Variants in MGA observed in about 807,000 individuals in gnomAD.
MGA encodes the protein MAX gene-associated protein.
A neutral mutation model predicts 261.1 loss-of-function variants in MGA; 40 were observed. That is an observed-to-expected ratio of 0.15 (90% CI 0.12 to 0.20). The LOEUF is 0.20. Among genes scored for constraint, MGA ranks in the 10% least tolerant of loss-of-function variants. The pLI is 1.00. For missense variants in MGA, 3,397 were observed against 3,630.5 expected, an observed-to-expected ratio of 0.94 and a Z score of 1.65; for synonymous variants, 1,302 against 1,290.6, an observed-to-expected ratio of 1.01 and a Z score of -0.19.
At chr15:41,623,966 G>C (rs969353804) in intron 1 of MGA, among the ~76,000 whole-genome samples, 3 of 151,092 alleles carry the variant, frequency 2.0e-5, no homozygotes, top group South Asian at 4.2e-4. Context: ...GGGTTTCACC[G>C]TGTTGGCCAT....
At chr15:41,739,417 T>C (rs186179000) in intron 13 of MGA, among the ~76,000 whole-genome samples, 220 of 152,326 alleles carry the variant, frequency 1.4e-3, no homozygotes, top group Middle Eastern at 6.8e-3. Flanking sequence ...AATGATTGTC[T>C]TATAACTTAA....
intron 1 of MGA, among the ~76,000 whole-genome samples, chr15:41,628,179 T>C (rs1160655860): frequency 6.6e-6 from 1 of 151,950 alleles, no homozygotes; most frequent in Non-Finnish European, 1.5e-5. Context: ...GAGACCAGCT[T>C]GGCCAACATG....
intron 12 of MGA, 138 bp from the exon 13 acceptor site, chr15:41,736,043 G>A (rs1263393229): frequency 2.5e-6 from 2 of 791,814 alleles, no homozygotes; most frequent in East Asian, 2.8e-5. Flanking sequence ...CTCCCAAATT[G>A]TGAAAGTTGA....
chr15:41,732,339 G>A (rs1316862937), intron 11 of MGA, among the ~76,000 whole-genome samples: 3 of 152,138 alleles, frequency 2.0e-5, no homozygotes, highest in South Asian at 2.1e-4. Context: ...TAGTAGACAC[G>A]GGGTTTCACC....
intron 2 of MGA, among the ~76,000 whole-genome samples, chr15:41,678,157 C>T (rs1459350452): frequency 1.4e-5 from 2 of 146,826 alleles, no homozygotes; most frequent in Non-Finnish European, 3.0e-5. Flanking sequence ...GTGGTGTGAT[C>T]TCGACTCACT....
chr15:41,735,298 G>A (rs1205609777), intron 12 of MGA, among the ~76,000 whole-genome samples: 2 of 152,176 alleles, frequency 1.3e-5, no homozygotes, highest in African/African-American at 4.8e-5. Context: ...TGAAATACAT[G>A]TCTAGTCAAC....
chr15:41,691,495 T>C, intron 2 of MGA: 1 of 299,092 alleles, frequency 3.3e-6, no homozygotes, highest in Non-Finnish European at 7.3e-6. Flanking sequence ...AGTTTTGCTT[T>C]TTCCTCTACA....
upstream of MGA, among the ~76,000 whole-genome samples, chr15:41,659,961 G>A (rs755496754): frequency 1.3e-5 from 2 of 152,236 alleles, no homozygotes; most frequent in Non-Finnish European, 2.9e-5. Flanking sequence ...GGTACTCCGG[G>A]GTGGAAGACC....
At chr15:41,721,623 G>A (rs558261422) in intron 9 of MGA, among the ~76,000 whole-genome samples, 2 of 152,190 alleles carry the variant, frequency 1.3e-5, no homozygotes, top group East Asian at 1.9e-4. Context: ...CTCATTTGTA[G>A]TTGGGGAAAT....
chr15:41,676,392 G>A (rs773850458), intron 2 of MGA, among the ~76,000 whole-genome samples: 3 of 152,224 alleles, frequency 2.0e-5, no homozygotes, highest in Non-Finnish European at 4.4e-5. Context: ...CCGGTCTCAT[G>A]ATCTGCCCGC....
rs146691565 is a variant in MGA, at chr15:41,683,283, A to G, written c.1065-12792A>G. Among the ~76,000 whole-genome samples, 10 of 152,056 alleles carry G rather than the reference A, an allele frequency of 6.6e-5. No homozygotes were observed. The East Asian group carries it at 1.9e-3, about 30-fold the overall frequency. On this transcript the variant is annotated intron_variant, in intron 2 of 23. Coordinates refer to ENST00000219905, the MANE Select transcript of MGA (RefSeq NM_001164273.2). Reference sequence around the variant, plus strand: ...ACCCAGGCTGGAGTGCTGGGACACAATCCATGGCTCACTGCAAGCTTGGTC... The same window carrying G: ...ACCCAGGCTGGAGTGCTGGGACACAGTCCATGGCTCACTGCAAGCTTGGTC...
intron 6 of MGA, 50 bp from the exon 7 acceptor site, chr15:41,708,054 A>T (rs1397096251): frequency 4.8e-6 from 7 of 1,471,244 alleles, no homozygotes; most frequent in Non-Finnish European, 6.5e-6. Flanking sequence ...TAGGTCCATA[A>T]TATTGGCCTG....
chr15:41,740,402 TTTATAG>T (rs1414697354), intron 14 of MGA, among the ~76,000 whole-genome samples, 199 bp downstream of exon 14: 3 of 152,194 alleles, frequency 2.0e-5, no homozygotes, highest in Admixed American at 2.0e-4. Flanking sequence ...ATTGAGTTGT[TTTATAG>T]TTAATTTCTT....
chr15:41,698,442 GGC>G (rs1372839372), intron 3 of MGA, among the ~76,000 whole-genome samples: 3 of 151,876 alleles, frequency 2.0e-5, no homozygotes, highest in African/African-American at 7.3e-5. Context: ...TGGGATTATA[GGC>G]GTGAGCCACT....
intron 17 of MGA, among the ~76,000 whole-genome samples, chr15:41,752,790 T>C (rs1414152955): frequency 6.6e-6 from 1 of 152,122 alleles, no homozygotes; most frequent in African/African-American, 2.4e-5. Context: ...ACTCCTGACC[T>C]CAGGTGATCC....
chr15:41,634,751 GT>G (rs1180465663), intron 1 of MGA, among the ~76,000 whole-genome samples: 2 of 152,066 alleles, frequency 1.3e-5, no homozygotes, highest in Admixed American at 6.6e-5. Flanking sequence ...TTCAGGGAGC[GT>G]TTGGTTAGAA....
At chr15:41,622,112 G>A (rs1467089941) in intron 1 of MGA, among the ~76,000 whole-genome samples, 1 of 152,088 alleles carries the variant, frequency 6.6e-6, no homozygotes, top group African/African-American at 2.4e-5. Flanking sequence ...TCTTTGCTGC[G>A]GTCGGATTGC....
rs372185993 is a variant in MGA at position 41,764,941 on chromosome 15, G to A, written c.7800G>A (p.Pro2600=). 5.0e-5 allele frequency: 81 copies of A among 1,613,854 alleles called. No individual in the cohort carries two copies. The Middle Eastern group carries it at 1.6e-3, about 33-fold the overall frequency. ...CCTCTGCCAACCTTGTGATGACTCC[G>A]CAAGGGCAATTGCTCACCCTAAAAG... Residue 2600 remains proline (P), a synonymous_variant, in exon 23 of 24, where the codon CCG becomes CCA. Transcript: ENST00000219905.
At chr15:41,703,265 C>G (rs1195895313) in intron 5 of MGA, among the ~76,000 whole-genome samples, 1 of 151,656 alleles carries the variant, frequency 6.6e-6, no homozygotes. Flanking sequence ...TGAGACTTAT[C>G]ATCTCATCAT....
Sources: gnomAD v4.1 joint callset for allele counts (sites outside exome capture counted in the v4.1 genomes callset) on GRCh38, gnomAD v4.1.1 for gene constraint, MANE v1.5 for transcripts, NCBI Gene and HGNC (gene_info 2026-07-23, HGNC 2026-07-21) for gene names.